MPND: variants seen among roughly 807,000 people sequenced by gnomAD.
The protein encoded by MPND is MPN domain containing.
Under a neutral mutation model 59.2 loss-of-function variants are expected in MPND, and 56 were observed. The observed-to-expected ratio is 0.95, with a 90% CI of 0.76 to 1.18. The LOEUF (loss-of-function observed/expected upper bound fraction) is 1.18, where lower values mean the gene tolerates loss of function less well. Ranked by LOEUF, MPND falls within the 50% of genes most tolerant of loss-of-function variation. The pLI, the probability that MPND is intolerant of heterozygous loss-of-function variation, is 0.00. For synonymous variants in MPND, 323 were observed against 291.9 expected (o/e 1.11, Z -1.09); for missense variants, 671 against 676.0 (o/e 0.99, Z 0.08).
intron 10 of MPND, 93 bp downstream of exon 10, chr19:4,357,678 T>C (rs1029066189): frequency 3.1e-6 from 4 of 1,307,916 alleles, no homozygotes; most frequent in Non-Finnish European, 3.1e-6. Flanking sequence ...CAGGCTCCAC[T>C]GGAGAGTTGG....
rs116041774 is a variant in MPND at position 4,351,026 on chromosome 19, G to A, written c.532-1871G>A. 9.8e-3 allele frequency among the ~76,000 whole-genome samples: 1,498 copies of A among 152,266 alleles called. 14 individuals carry two copies. Among genetic ancestry groups the A allele is most frequent in the African/African-American group, 0.025 (1,045 of 41,522 alleles). The stretch of plus-strand genomic sequence containing the variant: ...GGTCAGATGCTGCCGAGAAGGTGAC[G>A]AGGACAGAAAGTGAGATGTGACCCA... On this transcript the variant is annotated intron_variant, in intron 3 of 12. Transcript: ENST00000599840.
At chr19:4,359,464 C>T (rs920850990) in intron 12 of MPND, among the ~76,000 whole-genome samples, 13 of 152,148 alleles carry the variant, frequency 8.5e-5, no homozygotes, top group East Asian at 1.9e-4. Context: ...CCGGCAGTGC[C>T]GGATGAGGTC....
At chr19:4,358,249 C>A in intron 11 of MPND, 77 bp downstream of exon 11, 1 of 1,327,104 alleles carries the variant, frequency 7.5e-7, no homozygotes, top group Non-Finnish European at 1.1e-6. Flanking sequence ...CTGCTTCCCA[C>A]CGGTGGGCTT....
chr19:4,344,054 T>C (rs1264874533), intron 2 of MPND, 60 bp downstream of exon 2: 2 of 1,173,240 alleles, frequency 1.7e-6, no homozygotes, highest in Non-Finnish European at 2.2e-6. Context: ...AACTGAGGCC[T>C]GGAGTTCCCT....
At position 4,354,423 on chromosome 19, in the gene MPND, G is replaced by A. The variant is rs1427316870; in HGVS notation, c.846+3G>A. ...CTAGCAACGTGCTGTTCCTGCTGGT[G>A]TGTGGCCCACCCTGTCTAGGGGCAA... On this transcript the variant is annotated splice_donor_region_variant and intron_variant, in intron 6 of 12. Transcript: ENST00000599840. 1 of 1,554,256 alleles carries A rather than the reference G, an allele frequency of 6.4e-7. No individual in the cohort carries two copies. Among genetic ancestry groups the A allele is most frequent in the South Asian group, 1.2e-5 (1 of 84,278 alleles).
At position 4,357,346 on chromosome 19, in the gene MPND, G is replaced by A. The variant is rs759521356; in HGVS notation, c.1090G>A (p.Asp364Asn). ...GGCGCTGCCATCTCTGCAGGACATC[G>A]ACGCACAGATGGACTACCAGCTGCG... ...SPALPSLQDI[D>N]AQMDYQLRLQ... The change falls in exon 9 of 13, where the codon GAC (aspartate) becomes AAC (asparagine). Residue 364 changes from aspartate to asparagine, a missense_variant. Physicochemically the swap from Asp to Asn is conservative, Grantham distance 23. Coordinates refer to ENST00000599840, the MANE Select transcript of MPND (RefSeq NM_001300862.2). 14 of 1,613,118 alleles carry A rather than the reference G, an allele frequency of 8.7e-6. No individual in the cohort carries two copies. The highest frequency in any genetic ancestry group is 2.2e-5 in the East Asian group (1 of 44,896).
chr19:4,355,723 C>T (rs768918948), intron 8 of MPND, among the ~76,000 whole-genome samples: 144 of 151,410 alleles, frequency 9.5e-4, no homozygotes, highest in Non-Finnish European at 1.4e-3. Flanking sequence ...CCCACCTCAG[C>T]CTCCCAAAGT....
chr19:4,357,786 T>C, intron 10 of MPND: 1 of 623,294 alleles, frequency 1.6e-6, no homozygotes, highest in Non-Finnish European at 2.8e-6. Context: ...TGTCATTGGC[T>C]GCTCAGTACA....
chr19:4,352,977 G>T lies in MPND; in HGVS notation c.612G>T (p.Glu204Asp). 1 of 1,382,354 alleles carries T rather than the reference G, an allele frequency of 7.2e-7. No homozygotes were observed. The highest frequency in any genetic ancestry group is 9.4e-7 in the Non-Finnish European group (1 of 1,059,696). The allele number at this position is 1,382,354 out of a possible 1,614,324, so 85.6% of individuals were successfully genotyped here. A position where few individuals can be genotyped will look rare whatever the true frequency, so the allele number is the denominator to read the frequency against. Residue 204 changes from glutamate to aspartate, a missense_variant, in exon 4 of 13, where the codon GAG (glutamate) becomes GAT (aspartate). Transcript: ENST00000599840. ...EEDVLAGVSA[E>D]DKSRRPLGKS... is the part of the protein sequence containing the mutation. Reference sequence around the variant, plus strand: ...ACGTTCTGGCAGGGGTCTCAGCAGAGGACAAGAGTCGGAGACCACTGGGGA... The same window carrying T: ...ACGTTCTGGCAGGGGTCTCAGCAGATGACAAGAGTCGGAGACCACTGGGGA...
chr19:4,351,432 G>A, intron 3 of MPND, among the ~76,000 whole-genome samples: 1 of 152,202 alleles, frequency 6.6e-6, no homozygotes, highest in Non-Finnish European at 1.5e-5. Flanking sequence ...AGACGTGAAA[G>A]CCACCTATGT....
Position 4,344,096 on chromosome 19 carries a change from G to T in MPND, c.294+102G>T, listed in dbSNP as rs1046475010. The T allele has an allele frequency of 7.0e-6, 6 of 862,384 alleles. No individual in the cohort carries two copies. In the African/African-American group the frequency reaches 7.1e-5, roughly 10 times the overall value. The allele number at this position is 862,384 out of a possible 1,614,324, so 53.4% of individuals were successfully genotyped here. ...AGGACAAGCTTCAGTGTAGGGAGGG[G>T]ACACTGAGGCCCGGAGCTCCCTTGC... is the stretch of plus-strand genomic sequence containing the variant. On this transcript the variant is annotated intron_variant, in intron 2 of 12. Coordinates refer to ENST00000599840, the MANE Select transcript of MPND (RefSeq NM_001300862.2).
intron 2 of MPND, 119 bp from the exon 3 acceptor site, chr19:4,345,626 G>T: frequency 1.1e-6 from 1 of 891,446 alleles, no homozygotes; most frequent in South Asian, 1.6e-5. Flanking sequence ...GGCCTGAGAG[G>T]TGTTCCTGGA....
chr19:4,359,743 TC>T (rs1972537237), intron 12 of MPND, among the ~76,000 whole-genome samples, 172 bp from the exon 13 acceptor site: 1 of 151,970 alleles, frequency 6.6e-6, no homozygotes, highest in South Asian at 2.1e-4. Context: ...AGCCAGGCCC[TC>T]GGTTACATAC....
At chr19:4,349,741 C>T (rs144299892) in intron 3 of MPND, among the ~76,000 whole-genome samples, 1 of 152,284 alleles carries the variant, frequency 6.6e-6, no homozygotes, top group East Asian at 1.9e-4. Flanking sequence ...GAACTCCTGA[C>T]CTCAGGTGAT....
intron 3 of MPND, among the ~76,000 whole-genome samples, chr19:4,350,716 G>A (rs1972297735): frequency 6.6e-6 from 1 of 152,176 alleles, no homozygotes; most frequent in Admixed American, 6.6e-5. Context: ...TGTTGAGTGT[G>A]ACCCTGTGAG....
chr19:4,357,040 G>A lies in MPND; in HGVS notation c.997-213G>A, dbSNP rs540456488. 2.7e-4 allele frequency: 120 copies of A among 437,962 alleles called. No homozygotes were observed. In the East Asian group the frequency reaches 4.1e-3, roughly 15 times the overall value. 27.1% of individuals were successfully genotyped at this position (437,962 alleles called of 1,614,324 possible). A position where few individuals can be genotyped will look rare whatever the true frequency, so the allele number is the denominator to read the frequency against. On this transcript the variant is annotated intron_variant, in intron 8 of 12. Coordinates refer to ENST00000599840, the MANE Select transcript of MPND (RefSeq NM_001300862.2). ...ATGACTTTGGTGTCCTGGCTTTGTGGCAGGGTGCATCTTTTATATTAAAAG... is the reference window on the plus strand; with the variant it reads ...ATGACTTTGGTGTCCTGGCTTTGTGACAGGGTGCATCTTTTATATTAAAAG...
In MPND at chr19:4,343,781, C is replaced by A. The variant is rs1972122601; in HGVS notation, c.81C>A (p.Ala27=). The A allele has an allele frequency of 3.3e-6, 4 of 1,208,176 alleles. No homozygotes were observed. 74.8% of individuals were successfully genotyped at this position (1,208,176 alleles called of 1,614,324 possible). ...APEEDEDEAE[A]EDPERPNAGA... is the part of the protein sequence containing the mutation. ...AGGAGGACGAGGACGAAGCGGAGGC[C>A]GAGGACCCTGAGCGGCCGAATGCGG... is the stretch of plus-strand genomic sequence containing the variant. The change falls in exon 2 of 13, where the codon GCC becomes GCA. Residue 27 remains alanine, a synonymous_variant. Coordinates refer to ENST00000599840, the MANE Select transcript of MPND (RefSeq NM_001300862.2).
Position 4,345,909 on chromosome 19 carries a change from G to A in MPND, c.459G>A (p.Gln153=). The change falls in exon 3 of 13, where the codon CAG becomes CAA. Residue 153 remains glutamine (Q), a synonymous_variant. Transcript: ENST00000599840. The part of the protein sequence containing the change: ...CGWASVKYKG[Q]KLDKYKATWL... ...GGGCCTCTGTCAAGTACAAAGGCCA[G>A]AAACTGGACAAGTACAAGGCCACCT... 1 of 1,613,902 alleles carries A rather than the reference G, an allele frequency of 6.2e-7. No individual in the cohort carries two copies. Among genetic ancestry groups the A allele is most frequent in the Non-Finnish European group, 8.5e-7 (1 of 1,180,038 alleles).
Position 4,359,244 on chromosome 19 carries a change from G to T in MPND, c.1408G>T (p.Asp470Tyr). Residue 470 changes from aspartate to tyrosine, a missense_variant, in exon 12 of 13, where the codon GAC becomes TAC. Coordinates refer to ENST00000599840, the MANE Select transcript of MPND (RefSeq NM_001300862.2). ...EPWSQEHTYL[D>Y]KLKISLASRT... ...CTGGAGCCAGGAGCACACCTACCTC[G>T]ACAAGCTTAAGGTGAGCCCCAAGTC... 6.2e-7 allele frequency: 1 copy of T among 1,612,912 alleles called. No homozygotes were observed. Among genetic ancestry groups the T allele is most frequent in the Non-Finnish European group, 8.5e-7 (1 of 1,179,498 alleles).
Sources: gnomAD v4.1 joint callset for allele counts (sites outside exome capture counted in the v4.1 genomes callset) on GRCh38, gnomAD v4.1.1 for gene constraint, MANE v1.5 for transcripts, NCBI Gene and HGNC (gene_info 2026-07-23, HGNC 2026-07-21) for gene names.